FREM1: variants seen among roughly 807,000 people sequenced by gnomAD.
FREM1 encodes FRAS1-related extracellular matrix protein 1.
Under a neutral mutation model 210.1 loss-of-function variants are expected in FREM1, and 220 were observed. That is an observed-to-expected ratio of 1.05 (90% CI 0.94 to 1.17). FREM1 has a LOEUF of 1.17. Among genes scored for constraint, FREM1 ranks in the 50% most tolerant of loss-of-function variants. FREM1 has a pLI of 0.00. For synonymous variants in FREM1, 1,189 were observed against 980.2 expected, an observed-to-expected ratio of 1.21 and a Z score of -3.98; for missense variants, 3,454 against 2,675.5, an observed-to-expected ratio of 1.29 and a Z score of -6.42.
chr9:14,890,809 G>A (rs1354231951), intron 1 of FREM1, among the ~76,000 whole-genome samples: 1 of 152,158 alleles, frequency 6.6e-6, no homozygotes, highest in Admixed American at 6.5e-5. Context: ...AAAAATGTGT[G>A]CCCTCAACTT....
In FREM1 at chr9:14,840,921, C is replaced by T. The variant is rs191328150; in HGVS notation, c.1881+526G>A. The stretch of plus-strand genomic sequence containing the variant: ...GAGACTCTTAGATCTTTAAAGACAA[C>T]AATAAATAATAGCTAATGTATTTAT... On this transcript the variant is annotated intron_variant, in intron 10 of 36. Transcript: ENST00000380880. 3.9e-5 allele frequency among the ~76,000 whole-genome samples: 6 copies of T among 152,162 alleles called. No homozygotes were observed. The South Asian group carries it at 6.2e-4, about 16-fold the overall frequency.
chr9:14,808,391 C>T (rs918469622), intron 16 of FREM1, among the ~76,000 whole-genome samples: 10 of 152,128 alleles, frequency 6.6e-5, no homozygotes, highest in Admixed American at 1.3e-4. Context: ...CAAAACTGGG[C>T]CAACAAGGGT....
intron 1 of FREM1, among the ~76,000 whole-genome samples, chr9:14,882,560 T>C (rs1022472842): frequency 6.6e-6 from 1 of 151,274 alleles, no homozygotes; most frequent in African/African-American, 2.4e-5. Context: ...GTTCAAGCAA[T>C]TCTCCTGCCT....
chr9:14,822,814 A>C (rs1195586055), intron 13 of FREM1, among the ~76,000 whole-genome samples: 1 of 152,214 alleles, frequency 6.6e-6, no homozygotes. Flanking sequence ...GTGAGGGTAA[A>C]TAAGCCCTTC....
At chr9:14,832,064 TG>T (rs774488237) in intron 10 of FREM1, among the ~76,000 whole-genome samples, 7 of 152,372 alleles carry the variant, frequency 4.6e-5, no homozygotes, top group Admixed American at 2.0e-4. Context: ...TGCACTCCCC[TG>T]GAACATATTT....
chr9:14,769,983 C>T, intron 26 of FREM1, 115 bp from the exon 27 acceptor site: 1 of 544,586 alleles, frequency 1.8e-6, no homozygotes, highest in Non-Finnish European at 3.1e-6. Flanking sequence ...AGCTAAAGTA[C>T]ATTTTAAAAC....
At chr9:14,824,232 C>G in intron 11 of FREM1, 117 bp from the exon 12 acceptor site, 1 of 636,086 alleles carries the variant, frequency 1.6e-6, no homozygotes, top group Non-Finnish European at 2.8e-6. Flanking sequence ...GGTGCTCTAT[C>G]TTTATATTCT....
intron 5 of FREM1, among the ~76,000 whole-genome samples, chr9:14,855,124 A>C (rs1828494275): frequency 6.6e-6 from 1 of 152,020 alleles, no homozygotes; most frequent in African/African-American, 2.4e-5. Context: ...TTTTGAAGAG[A>C]AGTGATAAGG....
At chr9:14,827,091 A>C (rs148202713) in intron 10 of FREM1, among the ~76,000 whole-genome samples, 1 of 152,312 alleles carries the variant, frequency 6.6e-6, no homozygotes, top group East Asian at 1.9e-4. Context: ...GAATTTGGAG[A>C]AGTAGGCTAG....
chr9:14,857,629 T>A lies in FREM1; in HGVS notation c.752A>T (p.Asp251Val). ...LLMGLRYQHL[D>V]PPSPNIDYIS... ...ATAATCAATGTTGGGTGAAGGGGGA[T>A]CCAGATGCTGATAACGAAGGCCCAT... The change falls in exon 5 of 37, where the codon GAT becomes GTT. Residue 251 changes from aspartate to valine, a missense_variant. Asp to Val is a radical substitution (Grantham distance 152). Transcript: ENST00000380880. The A allele has an allele frequency of 2.5e-6, 4 of 1,613,812 alleles. No individual in the cohort carries two copies. In the East Asian group the frequency reaches 6.7e-5, roughly 27 times the overall value.
intron 1 of FREM1, among the ~76,000 whole-genome samples, chr9:14,892,288 G>GTATCC (rs1836957491): frequency 6.6e-6 from 1 of 152,102 alleles, no homozygotes; most frequent in Non-Finnish European, 1.5e-5. Flanking sequence ...CAACCCAAAG[G>GTATCC]AAAATCATTT....
intron 25 of FREM1, among the ~76,000 whole-genome samples, chr9:14,774,565 G>C: frequency 7.3e-6 from 1 of 136,084 alleles, no homozygotes; most frequent in East Asian, 2.3e-4. Context: ...CTCTCTCTCA[G>C]AGCAAGGAAA....
chr9:14,851,642 T>C (rs1037311074), intron 5 of FREM1, 35 bp from the exon 6 acceptor site: 2 of 1,456,774 alleles, frequency 1.4e-6, no homozygotes, highest in Non-Finnish European at 1.9e-6. Context: ...AAGGAGGAAA[T>C]AATATGAATG....
chr9:14,830,109 G>C (rs551505102), intron 10 of FREM1, among the ~76,000 whole-genome samples: 2 of 152,278 alleles, frequency 1.3e-5, no homozygotes, highest in South Asian at 2.1e-4. Context: ...CTGGGGGTGA[G>C]AAATAGCACT....
chr9:14,857,876 A>T, intron 4 of FREM1, 127 bp from the exon 5 acceptor site: 1 of 557,632 alleles, frequency 1.8e-6, no homozygotes, highest in Non-Finnish European at 3.0e-6. Flanking sequence ...TGTACCTTCC[A>T]ATCATTCACT....
chr9:14,892,479 GAAAGTT>G (rs1043458869), intron 1 of FREM1, among the ~76,000 whole-genome samples: 3 of 152,134 alleles, frequency 2.0e-5, no homozygotes, highest in African/African-American at 7.2e-5. Flanking sequence ...CCCAACTTAT[GAAAGTT>G]AGAGTCTTTC....
intron 24 of FREM1, among the ~76,000 whole-genome samples, chr9:14,778,723 G>GGGAAC (rs1849124924): frequency 7.4e-6 from 1 of 135,178 alleles, no homozygotes; most frequent in Admixed American, 7.3e-5. Context: ...GGGAAGGGAA[G>GGGAAC]GGAAGGGAAG....
At chr9:14,778,543 G>T (rs1849022928) in intron 24 of FREM1, among the ~76,000 whole-genome samples, 1 of 147,506 alleles carries the variant, frequency 6.8e-6, no homozygotes, top group Non-Finnish European at 1.5e-5. Context: ...GGGAGGTTGA[G>T]GCTACAGTGA....
intron 19 of FREM1, among the ~76,000 whole-genome samples, 183 bp downstream of exon 19, chr9:14,804,773 T>G (rs774587212): frequency 1.3e-5 from 2 of 152,150 alleles, no homozygotes; most frequent in African/African-American, 2.4e-5. Context: ...GAAATCCATG[T>G]GCCAACAAAA....
Sources: gnomAD v4.1 joint callset for allele counts (sites outside exome capture counted in the v4.1 genomes callset) on GRCh38, gnomAD v4.1.1 for gene constraint, MANE v1.5 for transcripts, NCBI Gene and HGNC (gene_info 2026-07-23, HGNC 2026-07-21) for gene names.